The following ATR variants were observed in gnomAD, a reference collection of about 807,000 sequenced individuals.
The protein encoded by ATR is serine/threonine-protein kinase ATR.
In ATR, 142 loss-of-function variants were observed where a neutral mutation model predicts 305.3. The ratio of observed to expected loss-of-function variants is 0.47; its 90% CI spans 0.41 to 0.53. The LOEUF (loss-of-function observed/expected upper bound fraction) is 0.53, where lower values mean the gene tolerates loss of function less well. Ranked by LOEUF, ATR falls within the 20% of genes least tolerant of loss-of-function variation. The probability of loss-of-function intolerance (pLI) is 0.00; values close to 1 mark genes in which losing one functional copy is unlikely to be tolerated. For synonymous variants in ATR, 1,050 were observed against 1,068.1 expected (o/e 0.98, Z 0.33); for missense variants, 2,135 against 3,133.1 (o/e 0.68, Z 7.60).
At chr3:142,512,505 A>AT in intron 26 of ATR, 35 bp from the exon 27 acceptor site, 1 of 1,451,960 alleles carries the variant, frequency 6.9e-7, no homozygotes, top group Non-Finnish European at 9.4e-7. Context: ...AATAATATCT[A>AT]TATAATACCA....
intron 17 of ATR, among the ~76,000 whole-genome samples, chr3:142,541,704 T>A (rs1383461925): frequency 6.6e-6 from 1 of 152,148 alleles, no homozygotes; most frequent in Non-Finnish European, 1.5e-5. Flanking sequence ...AGATTCAAGG[T>A]GATTCTCTCC....
intron 41 of ATR, among the ~76,000 whole-genome samples, chr3:142,464,486 C>T (rs1211977399): frequency 6.6e-6 from 1 of 152,080 alleles, no homozygotes; most frequent in Non-Finnish European, 1.5e-5. Flanking sequence ...ATCCAAATGT[C>T]CATCACTGGA....
intron 32 of ATR, among the ~76,000 whole-genome samples, chr3:142,497,650 G>A (rs909550433): frequency 6.6e-6 from 1 of 151,838 alleles, no homozygotes; most frequent in African/African-American, 2.4e-5. Context: ...GATTTGCAGT[G>A]AATCCCAAAT....
chr3:142,559,721 T>C (rs566408048), intron 6 of ATR, among the ~76,000 whole-genome samples: 2 of 152,224 alleles, frequency 1.3e-5, no homozygotes, highest in Admixed American at 6.5e-5. Context: ...CGGGCCAATA[T>C]AGGGAAACCC....
chr3:142,517,408 A>G (rs796257100), intron 24 of ATR, among the ~76,000 whole-genome samples: 4 of 152,138 alleles, frequency 2.6e-5, no homozygotes, highest in African/African-American at 9.6e-5. Context: ...AAATATGAAT[A>G]TGCTTTTAAG....
rs1577696712 is a variant in ATR, at chr3:142,559,136, GA to G, written c.1732+114del. 2.6e-6 allele frequency: 3 copies of G among 1,156,064 alleles called. No individual in the cohort carries two copies. In the East Asian group the frequency reaches 7.7e-5, roughly 30 times the overall value. The allele number at this position is 1,156,064 out of a possible 1,614,324, so 71.6% of individuals were successfully genotyped here. A position where few individuals can be genotyped will look rare whatever the true frequency, so the allele number is the denominator to read the frequency against. ...ACAAATTTAATAGAACTGAAATCAG[GA>G]AAAAACTTCTGAGTATTCCAAACAC... On this transcript the variant is annotated intron_variant, in intron 7 of 46. Transcript: ENST00000350721.
chr3:142,510,081 A>G (rs2032470538), intron 27 of ATR, among the ~76,000 whole-genome samples: 1 of 138,230 alleles, frequency 7.2e-6, no homozygotes, highest in South Asian at 2.3e-4. Context: ...ATGCCACTGC[A>G]CTCCAGCTTG....
intron 18 of ATR, among the ~76,000 whole-genome samples, chr3:142,538,978 C>T (rs2033958296): frequency 6.6e-6 from 1 of 152,042 alleles, no homozygotes; most frequent in Non-Finnish European, 1.5e-5. Context: ...TAATTTGTTA[C>T]ACAGATTTGA....
chr3:142,576,965 C>A (rs890967555), intron 1 of ATR, among the ~76,000 whole-genome samples: 6 of 152,038 alleles, frequency 3.9e-5, no homozygotes, highest in Non-Finnish European at 8.8e-5. Context: ...GAAGAAAAGG[C>A]CTTGAAAGCT....
chr3:142,497,309 G>T, intron 32 of ATR, 117 bp from the exon 33 acceptor site: 1 of 1,061,486 alleles, frequency 9.4e-7, no homozygotes, highest in Non-Finnish European at 1.4e-6. Context: ...GTTGTCTTTG[G>T]TAGAACTTTA....
At chr3:142,464,890 T>A (rs1297924342) in intron 41 of ATR, among the ~76,000 whole-genome samples, 1 of 152,136 alleles carries the variant, frequency 6.6e-6, no homozygotes, top group Non-Finnish European at 1.5e-5. Flanking sequence ...ACATTTTATC[T>A]CAATAAAAAA....
At chr3:142,560,483 T>C in intron 5 of ATR, 29 bp from the exon 6 acceptor site, 2 of 1,554,204 alleles carry the variant, frequency 1.3e-6, no homozygotes, top group South Asian at 1.1e-5. Flanking sequence ...TAGAGAGATA[T>C]TCATATGCAA....
In ATR at chr3:142,578,727, C is replaced by A. The variant is rs2108513018; in HGVS notation, c.-23G>T. The A allele has an allele frequency of 6.2e-7, 1 of 1,609,560 alleles. No homozygotes were observed. The highest frequency in any genetic ancestry group is 8.5e-7 in the Non-Finnish European group (1 of 1,178,694). ...CATGCTGAGGCTGCGAGGCACTAGT[C>A]AACCACGCCAACGCGGGTTCCCGGC... On this transcript the variant is annotated 5_prime_UTR_variant, in exon 1 of 47. Transcript: ENST00000350721.
Position 142,503,441 on chromosome 3 carries a change from G to C in ATR, c.5209C>G (p.His1737Asp). 3 of 1,590,444 alleles carry C rather than the reference G, an allele frequency of 1.9e-6. No individual in the cohort carries two copies. The highest frequency in any genetic ancestry group is 2.6e-6 in the Non-Finnish European group (3 of 1,160,460). Residue 1737 changes from histidine (H) to aspartate (D), a missense_variant, in exon 30 of 47, where the codon CAT (histidine) becomes GAT (aspartate). His to Asp is a moderately conservative substitution (Grantham distance 81). Around this residue, in one of 9 missense-constraint regions of ATR, gnomAD observed 117 missense variants for 198.3 expected, o/e 0.59. Coordinates refer to ENST00000350721, the MANE Select transcript of ATR (RefSeq NM_001184.4). ...CCTAACATGGACTTTACTACACCAT[G>C]ATAATGAATGATCTAGAAATTTAAA... is the stretch of plus-strand genomic sequence containing the variant. ...QLEPDQIIHY[H>D]GVVKSMLGLG...
rs1171389652 is a variant in ATR, at chr3:142,467,972, G to A, written c.6649C>T (p.Arg2217Cys). ...AATTCTAGAAGCTTATCTGTTAGGC[G>A]AGTTGCATCTCCAACAAACTTCTCT... ...SLEKFVGDAT[R>C]LTDKLLELCN... The change falls in exon 39 of 47, where the codon CGC becomes TGC. Residue 2217 changes from arginine to cysteine, a missense_variant. This residue lies in a region of ATR where 462 missense variants were observed against 887.6 expected (regional missense o/e 0.52). Coordinates refer to ENST00000350721, the MANE Select transcript of ATR (RefSeq NM_001184.4). 10 of 1,612,786 alleles carry A rather than the reference G, an allele frequency of 6.2e-6. No homozygotes were observed. Among genetic ancestry groups the A allele is most frequent in the South Asian group, 4.4e-5 (4 of 91,052 alleles).
chr3:142,483,837 TAAATA>T lies in ATR; in HGVS notation c.6221+1298_6221+1302del, dbSNP rs1261728652. Among the ~76,000 whole-genome samples the T allele has an allele frequency of 9.3e-5, 14 of 150,468 alleles. No individual in the cohort carries two copies. In the South Asian group the frequency reaches 2.1e-3, roughly 23 times the overall value. On this transcript the variant is annotated intron_variant, in intron 36 of 46. Transcript: ENST00000350721. ...GACAGAGCAAGACTCTGTCTTAAAA[TAAATA>T]AAATAAAATAAAATGAAATAAAATA...
At chr3:142,566,393 C>T (rs571774212) in intron 2 of ATR, 132 bp from the exon 3 acceptor site, 51 of 960,586 alleles carry the variant, frequency 5.3e-5, no homozygotes, top group African/African-American at 8.2e-5. Flanking sequence ...CTGAAGTGGG[C>T]GGATCACCTG....
chr3:142,516,984 AAT>A (rs534243837), intron 24 of ATR, among the ~76,000 whole-genome samples: 2,000 of 139,042 alleles, frequency 0.014, 53 homozygotes, highest in African/African-American at 0.049. Context: ...ATACCCAAAT[AAT>A]ATATATATAT....
rs2108471552 is a variant in ATR at position 142,556,083 on chromosome 3, C to T, written c.2135G>A (p.Gly712Asp). The T allele has an allele frequency of 6.2e-7, 1 of 1,613,596 alleles. No individual in the cohort carries two copies. Among genetic ancestry groups the T allele is most frequent in the Non-Finnish European group, 8.5e-7 (1 of 1,179,832 alleles). The stretch of plus-strand genomic sequence containing the variant: ...GCCGTGAAGAGTACAGACAAGTTGA[C>T]CAAGTATAGAAGCAAATTCTTTCTT... ...IVKKEFASIL[G>D]QLVCTLHGMF... Residue 712 changes from glycine (G) to aspartate (D), a missense_variant, in exon 10 of 47, where the codon GGT becomes GAT. Transcript: ENST00000350721.
Sources: gnomAD v4.1 joint callset for allele counts (sites outside exome capture counted in the v4.1 genomes callset) on GRCh38, gnomAD v4.1.1 for gene constraint, gnomAD v4.1.1 regional missense constraint, MANE v1.5 for transcripts, NCBI Gene and HGNC (gene_info 2026-07-23, HGNC 2026-07-21) for gene names.